The following EXOC4 variants were observed in gnomAD, a reference collection of about 807,000 sequenced individuals.
EXOC4 encodes the protein SEC8-like 1.
In EXOC4, 71 loss-of-function variants were observed where a neutral mutation model predicts 107.2. The observed-to-expected ratio is 0.66, with a 90% CI of 0.55 to 0.81. The LOEUF is 0.81. Ranked by LOEUF, EXOC4 falls within the 30% of genes least tolerant of loss-of-function variation. The pLI, the probability that EXOC4 is intolerant of heterozygous loss-of-function variation, is 0.00. For synonymous variants in EXOC4, 456 were observed against 441.2 expected (o/e 1.03, Z -0.42); for missense variants, 1,108 against 1,189.6 (o/e 0.93, Z 1.01).
intron 9 of EXOC4, among the ~76,000 whole-genome samples, chr7:133,626,413 G>A (rs1802456976): frequency 6.6e-6 from 1 of 152,108 alleles, no homozygotes; most frequent in Non-Finnish European, 1.5e-5. Context: ...CATTGGGTTG[G>A]CTCTATTTAT....
rs12155006 is a variant in EXOC4 at position 133,772,137 on chromosome 7, A to G, written c.1515-45188A>G. Among the ~76,000 whole-genome samples the G allele has an allele frequency of 6.2e-3, 937 of 152,076 alleles. 3 individuals carry two copies. The highest frequency in any genetic ancestry group is 0.01 in the Middle Eastern group (3 of 294). On this transcript the variant is annotated intron_variant, in intron 10 of 17. Transcript: ENST00000253861. The stretch of plus-strand genomic sequence containing the variant: ...TCGGTTGCCAAAATTAACTGTGAAT[A>G]TATGAGGCACGAGTTCAACAATTAT...
At chr7:133,576,512 T>C (rs1357463732) in intron 9 of EXOC4, 3 of 1,288,002 alleles carry the variant, frequency 2.3e-6, no homozygotes, top group Non-Finnish European at 3.0e-6. Context: ...AACGTTTTCT[T>C]ACATGGCCAA....
intron 14 of EXOC4, among the ~76,000 whole-genome samples, chr7:133,952,551 A>G (rs1208052834): frequency 2.0e-5 from 3 of 152,202 alleles, no homozygotes; most frequent in Non-Finnish European, 4.4e-5. Context: ...CATTCAGTAC[A>G]TTCACATTAT....
intron 6 of EXOC4, among the ~76,000 whole-genome samples, chr7:133,361,087 T>C (rs1563034919): frequency 6.6e-6 from 1 of 152,088 alleles, no homozygotes; most frequent in Non-Finnish European, 1.5e-5. Context: ...AAGAATAAAT[T>C]CCACATTTAT....
chr7:133,359,242 CA>C (rs369289015), intron 6 of EXOC4, among the ~76,000 whole-genome samples: 9 of 151,728 alleles, frequency 5.9e-5, no homozygotes, highest in Admixed American at 2.6e-4. Flanking sequence ...TTAAAACTTT[CA>C]AGGAATTAAT....
intron 12 of EXOC4, among the ~76,000 whole-genome samples, chr7:133,916,849 G>A (rs186512896): frequency 2.8e-4 from 42 of 152,278 alleles, no homozygotes; most frequent in Middle Eastern, 3.4e-3. Flanking sequence ...TAGTTACAGT[G>A]ACACATGTTG....
intron 11 of EXOC4, among the ~76,000 whole-genome samples, chr7:133,850,418 T>G (rs1485400463): frequency 6.6e-6 from 1 of 151,654 alleles, no homozygotes; most frequent in Non-Finnish European, 1.5e-5. Context: ...TGGTTCAGTA[T>G]TAAATAAGTT....
At chr7:133,827,074 G>T (rs1797720478) in intron 11 of EXOC4, among the ~76,000 whole-genome samples, 1 of 152,152 alleles carries the variant, frequency 6.6e-6, no homozygotes, top group South Asian at 2.1e-4. Flanking sequence ...GAAAGTAGTT[G>T]CTTCAAAAGA....
intron 5 of EXOC4, among the ~76,000 whole-genome samples, chr7:133,328,329 G>A (rs1330335793): frequency 1.3e-5 from 2 of 151,918 alleles, no homozygotes; most frequent in East Asian, 1.9e-4. Context: ...GTCTTTGCAC[G>A]TGAGATGGGT....
At chr7:134,012,847 A>G (rs1037186660) in intron 17 of EXOC4, among the ~76,000 whole-genome samples, 2 of 152,202 alleles carry the variant, frequency 1.3e-5, no homozygotes, top group African/African-American at 2.4e-5. Flanking sequence ...CCAACAGAAT[A>G]GGAAGGTAGC....
intron 9 of EXOC4, among the ~76,000 whole-genome samples, chr7:133,491,071 G>A (rs886356288): frequency 6.6e-6 from 1 of 152,136 alleles, no homozygotes; most frequent in Non-Finnish European, 1.5e-5. Context: ...AGATTGCAGA[G>A]CTCTGTGTGC....
At chr7:134,024,615 C>A (rs538666925) in intron 17 of EXOC4, among the ~76,000 whole-genome samples, 2 of 152,272 alleles carry the variant, frequency 1.3e-5, no homozygotes, top group East Asian at 3.9e-4. Context: ...GCTACCCCTC[C>A]TCTAAAATCT....
At chr7:133,586,380 C>T (rs909606489) in intron 9 of EXOC4, among the ~76,000 whole-genome samples, 2 of 152,124 alleles carry the variant, frequency 1.3e-5, no homozygotes, top group Non-Finnish European at 1.5e-5. Flanking sequence ...GGATAATGTC[C>T]TCCATTACTA....
chr7:133,574,661 C>G (rs1233643829), intron 9 of EXOC4, among the ~76,000 whole-genome samples: 2 of 152,170 alleles, frequency 1.3e-5, no homozygotes, highest in Non-Finnish European at 2.9e-5. Flanking sequence ...AGCTCGTGGT[C>G]AGCATGACCA....
At chr7:133,855,098 T>TCTAA (rs1563028465) in intron 11 of EXOC4, among the ~76,000 whole-genome samples, 81 of 96,774 alleles carry the variant, frequency 8.4e-4, no homozygotes, top group South Asian at 1.6e-3. Flanking sequence ...TATAAATATA[T>TCTAA]ATATAAATAT....
chr7:133,541,057 A>G (rs1006526861), intron 9 of EXOC4, among the ~76,000 whole-genome samples: 1 of 152,326 alleles, frequency 6.6e-6, no homozygotes, highest in Non-Finnish European at 1.5e-5. Flanking sequence ...TTATGTCTAC[A>G]TGAAATAATC....
intron 14 of EXOC4, among the ~76,000 whole-genome samples, chr7:133,990,119 T>C (rs970709007): frequency 1.3e-5 from 2 of 152,146 alleles, no homozygotes; most frequent in Admixed American, 6.5e-5. Context: ...CATTTATCTT[T>C]TCTTTATGTT....
chr7:133,973,606 T>A (rs1307684729), intron 14 of EXOC4, among the ~76,000 whole-genome samples: 1 of 152,192 alleles, frequency 6.6e-6, no homozygotes, highest in Admixed American at 6.5e-5. Flanking sequence ...AATGTCAAGC[T>A]ATTGAAAGAT....
intron 9 of EXOC4, among the ~76,000 whole-genome samples, chr7:133,605,844 G>A (rs770084549): frequency 3.9e-5 from 6 of 152,088 alleles, no homozygotes; most frequent in Non-Finnish European, 8.8e-5. Flanking sequence ...GTAGAGCAGA[G>A]GGAGGTTCGG....
Sources: allele counts gnomAD v4.1 joint callset (sites outside exome capture counted in the v4.1 genomes callset), GRCh38; gene constraint gnomAD v4.1.1; transcripts MANE v1.5; gene names NCBI Gene and HGNC (gene_info 2026-07-23, HGNC 2026-07-21).